The following IQCE variants were observed in gnomAD, a reference collection of about 807,000 sequenced individuals.
IQCE encodes the protein IQ domain-containing protein E.
IQCE carries 115 observed loss-of-function variants against 96.0 expected under a neutral mutation model. The observed-to-expected ratio is 1.20, with a 90% CI of 1.03 to 1.40. The LOEUF is 1.40. Among genes scored for constraint, IQCE ranks in the 40% most tolerant of loss-of-function variants. The pLI is 0.00. For missense variants in IQCE, 1,041 were observed against 909.1 expected, an observed-to-expected ratio of 1.15 and a Z score of -1.87; for synonymous variants, 412 against 371.2, an observed-to-expected ratio of 1.11 and a Z score of -1.26.
chr7:2,573,316 A>G, intron 5 of IQCE, 102 bp from the exon 6 acceptor site: 1 of 659,088 alleles, frequency 1.5e-6, no homozygotes, highest in Non-Finnish European at 2.7e-6. Context: ...CTTCTTTTTT[A>G]AAAGGAAATG....
rs781203326 is a variant in IQCE at position 2,598,550 on chromosome 7, G to A, written c.1526G>A (p.Arg509Gln). The change falls in exon 17 of 22, where the codon CGG (arginine) becomes CAG (glutamine). Residue 509 changes from arginine (R) to glutamine (Q), a missense_variant. Arg to Gln is a conservative substitution (Grantham distance 43, BLOSUM62 1). Transcript: ENST00000402050. ...PPDSSEEGLP[R>Q]PRSPCSDGRR... ...GATTCCAGCGAGGAGGGGCTCCCGC[G>A]GCCCCGCTCCCCCTGCTCTGATGGG... 7 of 1,610,772 alleles carry A rather than the reference G, an allele frequency of 4.3e-6. No individual in the cohort carries two copies. The East Asian group carries it at 9.0e-5, about 21-fold the overall frequency.
At chr7:2,576,615 G>A (rs1021174940) in intron 6 of IQCE, among the ~76,000 whole-genome samples, 2 of 152,058 alleles carry the variant, frequency 1.3e-5, no homozygotes, top group African/African-American at 2.4e-5. Flanking sequence ...TGGCCAGGCT[G>A]GTCTCGAACT....
chr7:2,561,205 G>C (rs1259263154), intron 1 of IQCE, among the ~76,000 whole-genome samples: 1 of 152,038 alleles, frequency 6.6e-6, no homozygotes, highest in Non-Finnish European at 1.5e-5. Flanking sequence ...TTATCTACCT[G>C]CCTTGGCCTC....
chr7:2,565,987 T>G (rs1055168715), intron 1 of IQCE, among the ~76,000 whole-genome samples: 2 of 152,228 alleles, frequency 1.3e-5, no homozygotes, highest in Non-Finnish European at 2.9e-5. Flanking sequence ...CTAGCAAAAT[T>G]GGCACTTCAT....
intron 8 of IQCE, among the ~76,000 whole-genome samples, chr7:2,581,033 C>T (rs867792283): frequency 5.3e-5 from 8 of 151,372 alleles, no homozygotes; most frequent in Admixed American, 1.3e-4. Flanking sequence ...TTAGTAGAGA[C>T]GGGGTTTCAC....
intron 18 of IQCE, among the ~76,000 whole-genome samples, chr7:2,602,753 ACAGAC>A (rs1161837308): frequency 6.6e-6 from 1 of 152,250 alleles, no homozygotes; most frequent in African/African-American, 2.4e-5. Flanking sequence ...GGAGCTTGTA[ACAGAC>A]CAGCCAGACA....
intron 8 of IQCE, among the ~76,000 whole-genome samples, chr7:2,579,014 G>A (rs1389997752): frequency 1.3e-5 from 2 of 150,458 alleles, no homozygotes; most frequent in African/African-American, 2.5e-5. Context: ...AGTTGAGATC[G>A]CGCCACTGCA....
chr7:2,586,048 CA>C, intron 11 of IQCE, among the ~76,000 whole-genome samples, 159 bp from the exon 12 acceptor site: 1 of 152,220 alleles, frequency 6.6e-6, no homozygotes, highest in Admixed American at 6.5e-5. Context: ...ATTTAGAGTT[CA>C]AAGTTATTAC....
chr7:2,608,453 T>C (rs1784973135), intron 21 of IQCE, among the ~76,000 whole-genome samples: 1 of 152,268 alleles, frequency 6.6e-6, no homozygotes, highest in African/African-American at 2.4e-5. Context: ...TTTTCATTTT[T>C]TAACCTAGTT....
rs1783910588 is a variant in IQCE, at chr7:2,594,981, A to T, written c.1440+5A>T. 6.3e-7 allele frequency: 1 copy of T among 1,598,000 alleles called. No individual in the cohort carries two copies. The highest frequency in any genetic ancestry group is 1.3e-5 in the African/African-American group (1 of 74,696). The stretch of plus-strand genomic sequence containing the variant: ...TGCCCGGAAGTTCCTCATAAGGTAC[A>T]GTGACCATTCAGTTGAGTCTCCCGT... On this transcript the variant is annotated splice_donor_5th_base_variant and intron_variant, in intron 16 of 21. Coordinates refer to ENST00000402050, the MANE Select transcript of IQCE (RefSeq NM_152558.5).
intron 4 of IQCE, 33 bp from the exon 5 acceptor site, chr7:2,572,159 C>G: frequency 1.3e-6 from 2 of 1,587,808 alleles, no homozygotes; most frequent in Non-Finnish European, 8.6e-7. Flanking sequence ...GTGCTTGTAT[C>G]TGTCATATTA....
At chr7:2,571,380 A>C in intron 3 of IQCE, 146 bp from the exon 4 acceptor site, 2 of 964,798 alleles carry the variant, frequency 2.1e-6, no homozygotes, top group South Asian at 2.8e-5. Flanking sequence ...AGGTAAAGTA[A>C]CTCTTTTTTC....
intron 16 of IQCE, among the ~76,000 whole-genome samples, chr7:2,595,286 A>C (rs1228463509): frequency 6.6e-6 from 1 of 152,102 alleles, no homozygotes; most frequent in Admixed American, 6.5e-5. Flanking sequence ...GAGAGGCAGG[A>C]GGGGCTTGGG....
rs865881860 is a variant in IQCE at position 2,598,481 on chromosome 7, C to T, written c.1457C>T (p.Ala486Val). The T allele has an allele frequency of 5.7e-6, 9 of 1,589,966 alleles. No homozygotes were observed. The African/African-American group carries it at 8.1e-5, about 14-fold the overall frequency. ...EVPHKAQELP[A>V]PTPSSRHCEQ... ...TTCCTGCAGGCCCAAGAGCTCCCAG[C>T]TCCCACTCCCAGCAGCAGGCACTGC... The change falls in exon 17 of 22, where the codon GCT (alanine) becomes GTT (valine). Residue 486 changes from alanine to valine, a missense_variant. Transcript: ENST00000402050.
chr7:2,579,923 T>G (rs1782537974), intron 8 of IQCE, among the ~76,000 whole-genome samples: 1 of 147,712 alleles, frequency 6.8e-6, no homozygotes, highest in Admixed American at 7.0e-5. Context: ...AGCTAATTTT[T>G]TTTTAGTTTT....
chr7:2,576,923 C>A (rs1015519304), intron 6 of IQCE, among the ~76,000 whole-genome samples: 2 of 152,108 alleles, frequency 1.3e-5, no homozygotes, highest in African/African-American at 4.8e-5. Flanking sequence ...ACCGTCCAGC[C>A]CCGGTGTTGG....
At chr7:2,606,450 C>T (rs1253907142) in intron 20 of IQCE, among the ~76,000 whole-genome samples, 1 of 152,088 alleles carries the variant, frequency 6.6e-6, no homozygotes, top group Admixed American at 6.5e-5. Flanking sequence ...GGTGGGTTTG[C>T]TAGGACTCTC....
In IQCE at chr7:2,584,497, C is replaced by T. The variant is rs981317797; in HGVS notation, c.824+212C>T. The T allele has an allele frequency of 6.8e-6, 4 of 590,034 alleles. No homozygotes were observed. The African/African-American group carries it at 7.4e-5, about 11-fold the overall frequency. The allele number at this position is 590,034 out of a possible 1,614,324, so 36.5% of individuals were successfully genotyped here. A position where few individuals can be genotyped will look rare whatever the true frequency, so the allele number is the denominator to read the frequency against. ...CTCATAGTGACCACGTGTTGATGGC[C>T]AACGCGTGTTCAATGCCGCCCGTGT... On this transcript the variant is annotated intron_variant, in intron 11 of 21. Transcript: ENST00000402050.
chr7:2,572,437 G>A (rs1276010744), intron 5 of IQCE, 111 bp downstream of exon 5: 2 of 1,209,854 alleles, frequency 1.7e-6, no homozygotes, highest in African/African-American at 3.1e-5. Flanking sequence ...CTTCGTGCAT[G>A]AGCTCCGTCA....
Sources: gnomAD v4.1 joint callset for allele counts (sites outside exome capture counted in the v4.1 genomes callset) on GRCh38, gnomAD v4.1.1 for gene constraint, MANE v1.5 for transcripts, NCBI Gene and HGNC (gene_info 2026-07-23, HGNC 2026-07-21) for gene names.